Variants in PUS7 observed in about 807,000 individuals in gnomAD.
PUS7 encodes the protein pseudouridylate synthase 7 homolog.
PUS7 carries 48 observed loss-of-function variants against 79.8 expected under a neutral mutation model. The observed-to-expected ratio is 0.60, with a 90% CI of 0.48 to 0.76. The LOEUF is 0.76. PUS7 is among the 30% of genes least tolerant of loss of function. The probability of loss-of-function intolerance (pLI) is 0.00; values close to 1 mark genes in which losing one functional copy is unlikely to be tolerated. For synonymous variants in PUS7, 286 were observed against 272.2 expected (o/e 1.05, Z -0.50); for missense variants, 729 against 797.6 (o/e 0.91, Z 1.04).
chr7:105,460,832 C>T (rs7808682), intron 14 of PUS7, among the ~76,000 whole-genome samples: 16 of 111,930 alleles, frequency 1.4e-4, no homozygotes, highest in Non-Finnish European at 8.3e-5. Context: ...CCAGCCTGGG[C>T]GACAGAGCGA....
chr7:105,484,917 C>T (rs1824483630), intron 7 of PUS7, among the ~76,000 whole-genome samples: 1 of 141,946 alleles, frequency 7.0e-6, no homozygotes, highest in Non-Finnish European at 1.5e-5. Context: ...GGCTGGAGTG[C>T]AGTGGCATGA....
intron 13 of PUS7, 142 bp from the exon 14 acceptor site, chr7:105,462,892 G>A (rs1472528735): frequency 6.2e-6 from 5 of 808,036 alleles, no homozygotes; most frequent in Non-Finnish European, 9.5e-6. Flanking sequence ...TCCAAAATCT[G>A]TTCCCTGGAA....
chr7:105,458,718 A>C (rs4389864), intron 15 of PUS7, among the ~76,000 whole-genome samples: 150,079 of 151,770 alleles, frequency 0.99, 74,216 homozygotes, highest in East Asian at 1. Flanking sequence ...GGACTACAGG[A>C]ACCCGCCACC....
Position 105,502,447 on chromosome 7 carries a change from G to A in PUS7, c.703C>T (p.His235Tyr), listed in dbSNP as rs776430695. 1.9e-6 allele frequency: 3 copies of A among 1,614,114 alleles called. No homozygotes were observed. Among genetic ancestry groups the A allele is most frequent in the South Asian group, 2.2e-5 (2 of 91,076 alleles). ...GCCAAAGCCTTTTTCCCAGCTGCGT[G>A]GTAGGCTACAATGTATTTCTTCCCC... ...REGKKYIVAY[H>Y]AAGKKALANP... Residue 235 changes from histidine to tyrosine, a missense_variant, in exon 5 of 16, where the codon CAC becomes TAC. Coordinates refer to ENST00000469408, the MANE Select transcript of PUS7 (RefSeq NM_019042.5).
chr7:105,509,933 T>A (rs1209139268), intron 1 of PUS7, among the ~76,000 whole-genome samples: 10 of 152,194 alleles, frequency 6.6e-5, no homozygotes, highest in African/African-American at 2.4e-4. Flanking sequence ...GGAAATTTGC[T>A]GTTCTCACTC....
At chr7:105,511,223 C>T (rs1027300676) in intron 1 of PUS7, among the ~76,000 whole-genome samples, 9 of 150,872 alleles carry the variant, frequency 6.0e-5, no homozygotes, top group Non-Finnish European at 8.9e-5. Context: ...TTAGTAGAGA[C>T]GGGGCTTCAC....
intron 14 of PUS7, chr7:105,462,299 G>T (rs963425550): frequency 4.4e-6 from 1 of 229,796 alleles, no homozygotes; most frequent in African/African-American, 2.3e-5. Flanking sequence ...AGGTGTGGTG[G>T]CAGGTGCCTG....
intron 8 of PUS7, 129 bp downstream of exon 8, chr7:105,482,183 G>T: frequency 2.7e-6 from 3 of 1,105,724 alleles, no homozygotes; most frequent in Non-Finnish European, 3.9e-6. Context: ...GCCCTGCTCT[G>T]CCCTCCCTTG....
chr7:105,518,872 G>C (rs1825996748), intron 1 of PUS7, among the ~76,000 whole-genome samples: 1 of 151,950 alleles, frequency 6.6e-6, no homozygotes, highest in Non-Finnish European at 1.5e-5. Context: ...GGGTACACGA[G>C]ATTCTCCTGC....
chr7:105,517,447 C>T (rs1158671951), intron 1 of PUS7, among the ~76,000 whole-genome samples: 1 of 152,214 alleles, frequency 6.6e-6, no homozygotes, highest in Non-Finnish European at 1.5e-5. Context: ...AGGCATGAGC[C>T]ACCACGCCTG....
intron 12 of PUS7, among the ~76,000 whole-genome samples, chr7:105,467,085 A>G (rs984876040): frequency 7.2e-5 from 10 of 139,768 alleles, no homozygotes; most frequent in Admixed American, 2.2e-4. Flanking sequence ...AACTTTGGGC[A>G]AGTGACTAAA....
intron 1 of PUS7, among the ~76,000 whole-genome samples, chr7:105,518,838 G>A (rs1277122544): frequency 4.0e-5 from 6 of 151,778 alleles, no homozygotes; most frequent in South Asian, 2.1e-4. Context: ...GCGCAATCTC[G>A]GCTCACTGCA....
At chr7:105,472,920 C>CTTT (rs758552553) in intron 9 of PUS7, among the ~76,000 whole-genome samples, 74 of 116,372 alleles carry the variant, frequency 6.4e-4, no homozygotes, top group Non-Finnish European at 8.2e-4. Context: ...TGCCCAGCTA[C>CTTT]TTTTTTTTTT....
rs1162432998 is a variant in PUS7, at chr7:105,465,489, T to A, written c.1526-75A>T. On this transcript the variant is annotated intron_variant, in intron 12 of 15. Transcript: ENST00000469408. ...ATGAACTCAATCTTCTAAAATTATA[T>A]ACATCTAAGCAAGTCAGAAGTACAA... 1.3e-5 allele frequency: 14 copies of A among 1,108,204 alleles called. No individual in the cohort carries two copies. In the East Asian group the frequency reaches 1.7e-4, roughly 14 times the overall value. 68.6% of individuals were successfully genotyped at this position (1,108,204 alleles called of 1,614,324 possible).
At chr7:105,500,110 C>T (rs56871031) in intron 5 of PUS7, among the ~76,000 whole-genome samples, 4,972 of 152,242 alleles carry the variant, frequency 0.033, 249 homozygotes, top group African/African-American at 0.11. Flanking sequence ...AATGTCACAA[C>T]ACCACAAGCC....
chr7:105,519,060 G>T (rs982003060), intron 1 of PUS7, among the ~76,000 whole-genome samples: 6 of 151,800 alleles, frequency 4.0e-5, no homozygotes, highest in Admixed American at 3.9e-4. Flanking sequence ...GAGCCACCGC[G>T]CCCAGCCTAC....
chr7:105,493,881 G>C (rs1240001122), intron 6 of PUS7, among the ~76,000 whole-genome samples: 2 of 152,220 alleles, frequency 1.3e-5, no homozygotes, highest in Non-Finnish European at 2.9e-5. Context: ...TAAGCCACCT[G>C]ATCTGTGGTA....
chr7:105,494,319 A>T (rs1392796090), intron 6 of PUS7, among the ~76,000 whole-genome samples: 1 of 151,492 alleles, frequency 6.6e-6, no homozygotes, highest in Middle Eastern at 3.2e-3. Flanking sequence ...TAATTCATCC[A>T]TTGCCTAAGA....
At chr7:105,480,913 CT>C (rs944641897) in intron 9 of PUS7, 138 bp downstream of exon 9, 1 of 1,078,422 alleles carries the variant, frequency 9.3e-7, no homozygotes, top group Non-Finnish European at 1.3e-6. Context: ...CACTCATTAA[CT>C]TAAAACAAAA....
Sources: allele counts gnomAD v4.1 joint callset (sites outside exome capture counted in the v4.1 genomes callset), GRCh38; gene constraint gnomAD v4.1.1; transcripts MANE v1.5; gene names NCBI Gene and HGNC (gene_info 2026-07-23, HGNC 2026-07-21).